Variants in PC observed in about 807,000 individuals in gnomAD.
The protein encoded by PC is pyruvate carboxylase, also known as pyruvate carboxylase, mitochondrial.
Under a neutral mutation model 107.8 loss-of-function variants are expected in PC, and 46 were observed. The observed-to-expected ratio is 0.43, with a 90% CI of 0.34 to 0.55. The LOEUF (loss-of-function observed/expected upper bound fraction) is 0.55. PC is among the 20% of genes least tolerant of loss of function. PC has a pLI of 0.04. For synonymous variants in PC, 662 were observed against 684.7 expected, an observed-to-expected ratio of 0.97 and a Z score of 0.52; for missense variants, 1,241 against 1,643.1, an observed-to-expected ratio of 0.76 and a Z score of 4.23.
intron 3 of PC, among the ~76,000 whole-genome samples, chr11:66,876,333 G>C (rs1946976482): frequency 6.6e-6 from 1 of 152,208 alleles, no homozygotes; most frequent in South Asian, 2.1e-4. Flanking sequence ...ACATGGTTCA[G>C]GGAAAAACGG....
intron 3 of PC, among the ~76,000 whole-genome samples, chr11:66,935,817 T>C (rs1179633187): frequency 6.6e-6 from 1 of 152,130 alleles, no homozygotes; most frequent in African/African-American, 2.4e-5. Context: ...AGCCAAGTGC[T>C]GTAGCTCATG....
At chr11:66,853,971 C>T (rs1051034115) in intron 12 of PC, among the ~76,000 whole-genome samples, 4 of 152,240 alleles carry the variant, frequency 2.6e-5, no homozygotes, top group South Asian at 2.1e-4. Context: ...AACTGCCTCC[C>T]GGGCCTTTCC....
At chr11:66,883,206 C>T (rs1947246487) in intron 3 of PC, among the ~76,000 whole-genome samples, 2 of 152,138 alleles carry the variant, frequency 1.3e-5, no homozygotes, top group South Asian at 2.1e-4. Context: ...GCCATGGTCT[C>T]GGGACTTGTG....
chr11:66,889,224 T>A (rs1812675527), intron 3 of PC, among the ~76,000 whole-genome samples: 1 of 151,712 alleles, frequency 6.6e-6, no homozygotes, highest in African/African-American at 2.4e-5. Context: ...CAATCTTCCA[T>A]CAAAGGAGAC....
intron 3 of PC, among the ~76,000 whole-genome samples, chr11:66,918,882 G>C (rs1948528291): frequency 1.3e-5 from 2 of 152,200 alleles, no homozygotes; most frequent in South Asian, 4.2e-4. Context: ...GCAACATTCA[G>C]AACATTCAGA....
At chr11:66,900,030 T>G (rs1947891526) in intron 3 of PC, among the ~76,000 whole-genome samples, 1 of 152,188 alleles carries the variant, frequency 6.6e-6, no homozygotes, top group Admixed American at 6.5e-5. Context: ...TTGGCGCTCT[T>G]ACTGAAAATC....
intron 3 of PC, among the ~76,000 whole-genome samples, chr11:66,942,513 TA>T (rs1259486671): frequency 2.0e-5 from 3 of 152,094 alleles, no homozygotes; most frequent in African/African-American, 2.4e-5. Flanking sequence ...TGATTCCATT[TA>T]TATGAGGTGC....
At chr11:66,942,136 T>C (rs1349605311) in intron 3 of PC, among the ~76,000 whole-genome samples, 34 of 143,944 alleles carry the variant, frequency 2.4e-4, no homozygotes, top group Admixed American at 2.3e-3. Flanking sequence ...CGGTGGCTCA[T>C]GCCTGTAATC....
chr11:66,930,006 G>A (rs1455045090), intron 3 of PC, among the ~76,000 whole-genome samples: 1 of 152,026 alleles, frequency 6.6e-6, no homozygotes, highest in African/African-American at 2.4e-5. Context: ...GCACGGCCCA[G>A]AGCCCAGCCA....
chr11:66,882,862 G>A (rs1321856105), intron 3 of PC, among the ~76,000 whole-genome samples: 1 of 152,214 alleles, frequency 6.6e-6, no homozygotes, highest in Non-Finnish European at 1.5e-5. Flanking sequence ...TGGCTCTCAG[G>A]GCTGCCACGG....
In PC at chr11:66,861,449, G is replaced by A. The variant is rs112844793; in HGVS notation, c.1368+2325C>T. Among the ~76,000 whole-genome samples, 12 of 152,346 alleles carry A rather than the reference G, an allele frequency of 7.9e-5. 1 individual carries two copies. The highest frequency in any genetic ancestry group is 2.9e-4 in the African/African-American group (12 of 41,578). ...GCTGCCACCGGGCAGCCGAGGTGAGGCAGGTGCTCTAAGGCATACGTGTGT... is the reference window on the plus strand; with the variant it reads ...GCTGCCACCGGGCAGCCGAGGTGAGACAGGTGCTCTAAGGCATACGTGTGT... On this transcript the variant is annotated intron_variant, in intron 12 of 22. Coordinates refer to ENST00000393960, the MANE Select transcript of PC (RefSeq NM_001040716.2).
At chr11:66,942,790 A>G (rs1591310583) in intron 3 of PC, among the ~76,000 whole-genome samples, 1 of 151,980 alleles carries the variant, frequency 6.6e-6, no homozygotes, top group African/African-American at 2.4e-5. Context: ...AGGCGGGCGG[A>G]TCACCTGAAG....
At chr11:66,907,630 G>C (rs1334065316) in intron 3 of PC, among the ~76,000 whole-genome samples, 1 of 152,154 alleles carries the variant, frequency 6.6e-6, no homozygotes, top group African/African-American at 2.4e-5. Flanking sequence ...CACAGCTCTT[G>C]AGAAATGATC....
In PC at chr11:66,857,699, C is replaced by G; in HGVS notation, c.1369-4316G>C. 6 of 1,548,152 alleles carry G rather than the reference C, an allele frequency of 3.9e-6. No individual in the cohort carries two copies. Among genetic ancestry groups the G allele is most frequent in the Non-Finnish European group, 4.3e-6 (5 of 1,151,894 alleles). ...GGGCCCAAGTGGGCACCTGCGCCAG[C>G]CCCACCTGTGCCTGGGCTGTGGCCC... is the stretch of plus-strand genomic sequence containing the variant. On this transcript the variant is annotated intron_variant, in intron 12 of 22. Coordinates refer to ENST00000393960, the MANE Select transcript of PC (RefSeq NM_001040716.2). The surrounding 1 kb of genome is among the most constrained non-coding windows in gnomAD (Gnocchi z 7.1).
At chr11:66,906,875 CCAAAATACGGGTAGTAA>C (rs1591265464) in intron 3 of PC, among the ~76,000 whole-genome samples, 1 of 152,194 alleles carries the variant, frequency 6.6e-6, no homozygotes, top group Non-Finnish European at 1.5e-5. Context: ...GTCTGGTCTC[CCAAAATACGGGTAGTAA>C]CATGTTTTTC....
At chr11:66,958,061 G>C (rs1312057458) in intron 1 of PC, 1 of 151,324 alleles carries the variant, frequency 6.6e-6, no homozygotes, top group Non-Finnish European at 1.5e-5. Context: ...AGGGGCGCTC[G>C]GGGGCTGCAG....
chr11:66,905,385 C>T (rs910610057), intron 3 of PC, among the ~76,000 whole-genome samples: 3 of 152,138 alleles, frequency 2.0e-5, no homozygotes, highest in African/African-American at 7.2e-5. Flanking sequence ...TCTCCAAGGG[C>T]GGACTCCAAG....
rs1945949449 is a variant in PC, at chr11:66,857,704, C to T, written c.1369-4321G>A. On this transcript the variant is annotated intron_variant, in intron 12 of 22. Transcript: ENST00000393960. This position sits in a 1 kb window ranked among gnomAD's most constrained non-coding sequence, Gnocchi z 7.1. ...CAAGTGGGCACCTGCGCCAGCCCCA[C>T]CTGTGCCTGGGCTGTGGCCCCTTCC... 2 of 1,556,072 alleles carry T rather than the reference C, an allele frequency of 1.3e-6. No homozygotes were observed. Among genetic ancestry groups the T allele is most frequent in the South Asian group, 2.3e-5 (2 of 85,528 alleles).
intron 3 of PC, among the ~76,000 whole-genome samples, chr11:66,885,088 T>C (rs1947313148): frequency 1.3e-5 from 2 of 152,234 alleles, no homozygotes; most frequent in African/African-American, 4.8e-5. Flanking sequence ...CTTCGGGACC[T>C]GTCAAGCTCA....
Sources: gnomAD v4.1 joint callset for allele counts (sites outside exome capture counted in the v4.1 genomes callset) on GRCh38, gnomAD v4.1.1 for gene constraint, Gnocchi (gnomAD v3.1) non-coding constraint, MANE v1.5 for transcripts, NCBI Gene and HGNC (gene_info 2026-07-23, HGNC 2026-07-21) for gene names.